ABCC12: variants seen among roughly 807,000 people sequenced by gnomAD.
ABCC12 encodes ATP binding cassette subfamily C member 12, also known as ATP-binding cassette sub-family C member 12.
A neutral mutation model predicts 151.1 loss-of-function variants in ABCC12; 142 were observed. That is an observed-to-expected ratio of 0.94 (90% CI 0.82 to 1.08). The LOEUF is 1.08. ABCC12 is among the 50% of genes least tolerant of loss of function. ABCC12 has a pLI of 0.00. For synonymous variants in ABCC12, 645 were observed against 646.4 expected (o/e 1.00, Z 0.03); for missense variants, 1,638 against 1,691.1 (o/e 0.97, Z 0.55).
chr16:48,145,663 A>G (rs74018277), intron 3 of ABCC12, among the ~76,000 whole-genome samples: 4,905 of 152,324 alleles, frequency 0.032, 250 homozygotes, highest in African/African-American at 0.11. Flanking sequence ...GAAGCCTGCC[A>G]CATTACTGTG....
chr16:48,088,536 T>C lies in ABCC12; in HGVS notation c.3475+9A>G. ...ACCCAAAAGAAACAAAAGCAGAGCTTGTCCTCACCGGAACCTGTTCTTCCA... is the reference window on the plus strand; with the variant it reads ...ACCCAAAAGAAACAAAAGCAGAGCTCGTCCTCACCGGAACCTGTTCTTCCA... On this transcript the variant is annotated intron_variant, in intron 26 of 30. Transcript: ENST00000311303. 1 of 1,612,336 alleles carries C rather than the reference T, an allele frequency of 6.2e-7. No individual in the cohort carries two copies. The highest frequency in any genetic ancestry group is 8.5e-7 in the Non-Finnish European group (1 of 1,178,894).
chr16:48,124,303 T>A lies in ABCC12; in HGVS notation c.1516-19A>T. 6.2e-7 allele frequency: 1 copy of A among 1,611,254 alleles called. No homozygotes were observed. Among genetic ancestry groups the A allele is most frequent in the Non-Finnish European group, 8.5e-7 (1 of 1,177,424 alleles). On this transcript the variant is annotated intron_variant, in intron 11 of 30. Coordinates refer to ENST00000311303, the MANE Select transcript of ABCC12 (RefSeq NM_001393797.1). ...TCTTCCCCTGCCAGAGAAACAGAGA[T>A]GGGACACAGTCACTCTCTCCCACTT...
rs1964079713 is a variant in ABCC12 at position 48,121,809 on chromosome 16, T to C, written c.1619A>G (p.Asn540Ser). 3 of 1,614,190 alleles carry C rather than the reference T, an allele frequency of 1.9e-6. No individual in the cohort carries two copies. The highest frequency in any genetic ancestry group is 2.2e-5 in the East Asian group (1 of 44,888). ...CTGTGAAACGTAGGCCAAAGTTCCATTGACTGCCACCACCCCTTTCTGCAG... is the reference window on the plus strand; with the variant it reads ...CTGTGAAACGTAGGCCAAAGTTCCACTGACTGCCACCACCCCTTTCTGCAG... ...MQLQKGVVAV[N>S]GTLAYVSQQA... is the part of the protein sequence containing the mutation. The change falls in exon 13 of 31, where the codon AAT (asparagine) becomes AGT (serine). Residue 540 changes from asparagine (N) to serine (S), a missense_variant. By Grantham distance (46) the Asn-to-Ser change is conservative (BLOSUM62 1). Coordinates refer to ENST00000311303, the MANE Select transcript of ABCC12 (RefSeq NM_001393797.1).
chr16:48,125,237 A>G (rs1047707293), intron 11 of ABCC12, among the ~76,000 whole-genome samples: 1 of 152,206 alleles, frequency 6.6e-6, no homozygotes, highest in Non-Finnish European at 1.5e-5. Flanking sequence ...AATATCCTAC[A>G]CAGGAGGCAA....
chr16:48,116,730 G>A (rs1296509369), intron 14 of ABCC12, among the ~76,000 whole-genome samples: 1 of 152,186 alleles, frequency 6.6e-6, no homozygotes, highest in East Asian at 1.9e-4. Flanking sequence ...GGGGCTCCTG[G>A]GCAAGGTGAG....
intron 23 of ABCC12, among the ~76,000 whole-genome samples, chr16:48,098,981 T>C (rs1322848621): frequency 6.6e-6 from 1 of 152,190 alleles, no homozygotes; most frequent in African/African-American, 2.4e-5. Flanking sequence ...GGCAGGACTC[T>C]TGACAAACGA....
At position 48,134,837 on chromosome 16, in the gene ABCC12, G is replaced by C. The variant is rs1346038952; in HGVS notation, c.980-1002C>G. On this transcript the variant is annotated intron_variant, in intron 8 of 30. Transcript: ENST00000311303. ...GGAGGCCGAGGCAGGTGGATCACGA[G>C]GTCAGGAGATCAAGACCATCCTGGC... 4.6e-5 allele frequency among the ~76,000 whole-genome samples: 7 copies of C among 152,192 alleles called. No individual in the cohort carries two copies. The East Asian group carries it at 1.2e-3, about 25-fold the overall frequency.
chr16:48,100,723 C>T (rs1963273839), intron 23 of ABCC12, 149 bp downstream of exon 23: 1 of 903,300 alleles, frequency 1.1e-6, no homozygotes, highest in East Asian at 2.9e-5. Flanking sequence ...GCTGTGAGGC[C>T]AAGTGTCTTC....
intron 24 of ABCC12, among the ~76,000 whole-genome samples, chr16:48,094,221 G>A (rs1044018454): frequency 6.6e-6 from 1 of 152,154 alleles, no homozygotes; most frequent in African/African-American, 2.4e-5. Context: ...CAGGAAACTG[G>A]TTACCCAAGG....
In ABCC12 at chr16:48,111,560, CA is replaced by C. The variant is rs1318677887; in HGVS notation, c.2209+17del. 6.2e-7 allele frequency: 1 copy of C among 1,614,200 alleles called. No homozygotes were observed. The highest frequency in any genetic ancestry group is 1.1e-5 in the South Asian group (1 of 91,086). On this transcript the variant is annotated intron_variant, in intron 17 of 30. Transcript: ENST00000311303. ...TGTCCATTCAAGCCAAGGACAATAA[CA>C]GGGATGGGATTCTAACCGATTATAC...
intron 22 of ABCC12, among the ~76,000 whole-genome samples, chr16:48,102,301 G>A (rs971077019): frequency 2.0e-5 from 3 of 152,172 alleles, no homozygotes; most frequent in Non-Finnish European, 4.4e-5. Flanking sequence ...TGCATGGGGC[G>A]TACACCAAGT....
Position 48,146,444 on chromosome 16 carries a change from C to T in ABCC12, c.-20G>A, listed in dbSNP as rs911897677. ...CACCATCCTGATGGCAGCCTGGAGC[C>T]CTGGGCTTTTGGCCTGGGGACACTT... On this transcript the variant is annotated 5_prime_UTR_variant, in exon 3 of 31. Coordinates refer to ENST00000311303, the MANE Select transcript of ABCC12 (RefSeq NM_001393797.1). The T allele has an allele frequency of 5.0e-6, 8 of 1,607,172 alleles. 1 individual carries two copies. The highest frequency in any genetic ancestry group is 5.1e-6 in the Non-Finnish European group (6 of 1,173,988).
At chr16:48,151,588 C>A (rs1012585429) in intron 2 of ABCC12, among the ~76,000 whole-genome samples, 1 of 152,136 alleles carries the variant, frequency 6.6e-6, no homozygotes, top group African/African-American at 2.4e-5. Context: ...GCAAGGGTAG[C>A]TGGATATGGG....
At chr16:48,110,176 T>C (rs921862392) in intron 18 of ABCC12, among the ~76,000 whole-genome samples, 2 of 152,208 alleles carry the variant, frequency 1.3e-5, no homozygotes, top group Admixed American at 6.5e-5. Flanking sequence ...CAAATGTGCG[T>C]GCATTTGTCA....
intron 8 of ABCC12, among the ~76,000 whole-genome samples, chr16:48,137,523 C>G (rs1159207032): frequency 6.6e-6 from 1 of 152,152 alleles, no homozygotes; most frequent in Non-Finnish European, 1.5e-5. Context: ...CTTCCTTTGG[C>G]CAGCTCAGAA....
At chr16:48,096,613 G>T in intron 24 of ABCC12, 133 bp downstream of exon 24, 1 of 906,586 alleles carries the variant, frequency 1.1e-6, no homozygotes, top group South Asian at 1.6e-5. Flanking sequence ...TTAATGATGT[G>T]AGCCACTAAG....
At chr16:48,098,307 C>A (rs1354311023) in intron 23 of ABCC12, among the ~76,000 whole-genome samples, 1 of 152,106 alleles carries the variant, frequency 6.6e-6, no homozygotes, top group Non-Finnish European at 1.5e-5. Flanking sequence ...ATGAGAACAG[C>A]TGGTAGAAAC....
chr16:48,146,430 T>G lies in ABCC12; in HGVS notation c.-6A>C, dbSNP rs987525742. 1 of 1,613,236 alleles carries G rather than the reference T, an allele frequency of 6.2e-7. No individual in the cohort carries two copies. Among genetic ancestry groups the G allele is most frequent in the Admixed American group, 1.7e-5 (1 of 60,024 alleles). ...TAGGGTCCTTCACCCACCATCCTGA[T>G]GGCAGCCTGGAGCCCTGGGCTTTTG... On this transcript the variant is annotated 5_prime_UTR_variant, in exon 3 of 31. Coordinates refer to ENST00000311303, the MANE Select transcript of ABCC12 (RefSeq NM_001393797.1).
intron 13 of ABCC12, among the ~76,000 whole-genome samples, chr16:48,118,334 C>A (rs555115530): frequency 9.2e-4 from 140 of 152,322 alleles, no homozygotes; most frequent in African/African-American, 3.1e-3. Context: ...CCACCATAAG[C>A]AGAACCTTCC....
Sources: gnomAD v4.1 joint callset for allele counts (sites outside exome capture counted in the v4.1 genomes callset) on GRCh38, gnomAD v4.1.1 for gene constraint, MANE v1.5 for transcripts, NCBI Gene and HGNC (gene_info 2026-07-23, HGNC 2026-07-21) for gene names.